OLFM3: variants seen among roughly 807,000 people sequenced by gnomAD.
The protein encoded by OLFM3 is olfactomedin 3.
Under a neutral mutation model 48.6 loss-of-function variants are expected in OLFM3, and 20 were observed. The observed-to-expected ratio is 0.41, with a 90% CI of 0.29 to 0.60. The LOEUF (loss-of-function observed/expected upper bound fraction) is 0.60, where lower values mean the gene tolerates loss of function less well. OLFM3 is among the 20% of genes least tolerant of loss of function. The pLI is 0.28. For synonymous variants in OLFM3, 222 were observed against 198.1 expected (o/e 1.12, Z -1.01); for missense variants, 437 against 544.3 (o/e 0.80, Z 1.96).
chr1:101,822,870 A>G (rs1654675327), intron 4 of OLFM3, among the ~76,000 whole-genome samples: 1 of 150,150 alleles, frequency 6.7e-6, no homozygotes, highest in Non-Finnish European at 1.5e-5. Context: ...GAATTATAAA[A>G]GCAGAGCATG....
At chr1:101,876,918 C>T (rs929846955) in intron 1 of OLFM3, among the ~76,000 whole-genome samples, 1 of 151,862 alleles carries the variant, frequency 6.6e-6, no homozygotes, top group Non-Finnish European at 1.5e-5. Flanking sequence ...AATTCCTTAT[C>T]TAGCTCTGTC....
intron 1 of OLFM3, among the ~76,000 whole-genome samples, chr1:101,956,813 A>G (rs972631727): frequency 2.0e-5 from 3 of 151,956 alleles, no homozygotes; most frequent in Non-Finnish European, 4.4e-5. Flanking sequence ...ATAGGGAATG[A>G]AAGAAAGAGA....
intron 2 of OLFM3, among the ~76,000 whole-genome samples, chr1:101,831,120 C>A (rs1309233091): frequency 6.6e-6 from 1 of 152,100 alleles, no homozygotes; most frequent in Non-Finnish European, 1.5e-5. Flanking sequence ...ATAGAATTTT[C>A]ATTTTAAGGC....
intron 1 of OLFM3, among the ~76,000 whole-genome samples, chr1:101,985,367 C>T (rs1023834102): frequency 6.6e-6 from 1 of 152,194 alleles, no homozygotes; most frequent in Non-Finnish European, 1.5e-5. Context: ...ATTATTTTGT[C>T]TACCACAGTC....
chr1:101,896,463 T>G (rs1382707624), intron 1 of OLFM3, among the ~76,000 whole-genome samples: 1 of 151,668 alleles, frequency 6.6e-6, no homozygotes, highest in African/African-American at 2.4e-5. Flanking sequence ...GACGTTTTTA[T>G]TTTTCAATTT....
chr1:101,984,579 T>C (rs1661185302), intron 1 of OLFM3, among the ~76,000 whole-genome samples: 1 of 152,174 alleles, frequency 6.6e-6, no homozygotes, highest in African/African-American at 2.4e-5. Context: ...TTTGTATTTT[T>C]AGTAGAGACG....
intron 1 of OLFM3, among the ~76,000 whole-genome samples, chr1:101,845,173 A>G (rs1655931161): frequency 6.6e-6 from 1 of 151,562 alleles, no homozygotes; most frequent in African/African-American, 2.4e-5. Context: ...TCTTCTTATT[A>G]TTTTCTTATT....
At position 101,920,167 on chromosome 1, in the gene OLFM3, A is replaced by T. The variant is rs151044670; in HGVS notation, c.69+76581T>A. Among the ~76,000 whole-genome samples the T allele has an allele frequency of 1.2e-4, 19 of 152,316 alleles. No individual in the cohort carries two copies. The East Asian group carries it at 3.3e-3, about 26-fold the overall frequency. ...TCTGTTTGTGTTGCTTCCCTACATTACATTTTCAAATACAATATGCAGAGT... is the reference window on the plus strand; with the variant it reads ...TCTGTTTGTGTTGCTTCCCTACATTTCATTTTCAAATACAATATGCAGAGT... On this transcript the variant is annotated intron_variant, in intron 1 of 5. Coordinates refer to ENST00000370103, the MANE Select transcript of OLFM3 (RefSeq NM_058170.4).
At chr1:101,837,110 A>G in intron 1 of OLFM3, 85 bp from the exon 2 acceptor site, 1 of 1,340,614 alleles carries the variant, frequency 7.5e-7, no homozygotes, top group Non-Finnish European at 1.0e-6. Flanking sequence ...CAAGTAAAAC[A>G]CTTTTTTGAT....
At chr1:101,969,068 C>T (rs1660702482) in intron 1 of OLFM3, among the ~76,000 whole-genome samples, 1 of 152,160 alleles carries the variant, frequency 6.6e-6, no homozygotes, top group South Asian at 2.1e-4. Context: ...CCAGAGTGAA[C>T]AGCCTTTGCA....
chr1:101,847,243 G>A (rs1656043877), intron 1 of OLFM3, among the ~76,000 whole-genome samples: 1 of 152,134 alleles, frequency 6.6e-6, no homozygotes, highest in Admixed American at 6.5e-5. Context: ...AGAGAGCAGA[G>A]GTTGGAGGGA....
chr1:101,994,182 T>C (rs1372694377), intron 1 of OLFM3, among the ~76,000 whole-genome samples: 2 of 151,294 alleles, frequency 1.3e-5, no homozygotes, highest in African/African-American at 2.4e-5. Flanking sequence ...TTTCTGTTTA[T>C]CCATGTGAGG....
chr1:101,864,069 C>T (rs1249381991), intron 1 of OLFM3, among the ~76,000 whole-genome samples: 1 of 152,056 alleles, frequency 6.6e-6, no homozygotes, highest in African/African-American at 2.4e-5. Context: ...ACTTTAGTTT[C>T]GAATTTAGCC....
intron 1 of OLFM3, among the ~76,000 whole-genome samples, chr1:101,972,587 A>G (rs1267284260): frequency 1.3e-5 from 2 of 152,324 alleles, no homozygotes; most frequent in African/African-American, 4.8e-5. Flanking sequence ...CAGAGAACTC[A>G]ATGATGATAA....
rs188166468 is a variant in OLFM3, at chr1:101,919,242, T to C, written c.69+77506A>G. On this transcript the variant is annotated intron_variant, in intron 1 of 5. Transcript: ENST00000370103. ...ATCTTTAAATACTTTATAAAATCTT[T>C]TTATTTCACATATCCCTCTATTATC... Among the ~76,000 whole-genome samples the C allele has an allele frequency of 2.8e-3, 422 of 152,294 alleles. 2 individuals carry two copies. Among genetic ancestry groups the C allele is most frequent in the African/African-American group, 9.5e-3 (394 of 41,576 alleles).
intron 2 of OLFM3, among the ~76,000 whole-genome samples, 194 bp from the exon 3 acceptor site, chr1:101,831,021 C>G (rs1655123450): frequency 6.6e-6 from 1 of 152,060 alleles, no homozygotes; most frequent in African/African-American, 2.4e-5. Context: ...AAAATTATAC[C>G]TAGACAGGAA....
intron 1 of OLFM3, among the ~76,000 whole-genome samples, chr1:101,981,511 A>T (rs1661105494): frequency 6.6e-6 from 1 of 152,184 alleles, no homozygotes; most frequent in African/African-American, 2.4e-5. Flanking sequence ...AACTCCTCAG[A>T]ATTCTCCAGT....
intron 1 of OLFM3, among the ~76,000 whole-genome samples, chr1:101,939,272 T>G (rs528382573): frequency 3.9e-5 from 6 of 152,302 alleles, no homozygotes; most frequent in Admixed American, 6.5e-5. Flanking sequence ...TAACTAAACT[T>G]GGATGGCAAA....
rs201866200 is a variant in OLFM3, at chr1:101,829,936, G to A, written c.372+736C>T. Among the ~76,000 whole-genome samples, 126 of 151,736 alleles carry A rather than the reference G, an allele frequency of 8.3e-4. No individual in the cohort carries two copies. In the Middle Eastern group the frequency reaches 0.014, roughly 16 times the overall value. ...TGCAAGCTCCGCCTCCCAGGTTCAC[G>A]CCATCCTCCTGCCTCAGCCTCCCGA... is the stretch of plus-strand genomic sequence containing the variant. On this transcript the variant is annotated intron_variant, in intron 3 of 5. Coordinates refer to ENST00000370103, the MANE Select transcript of OLFM3 (RefSeq NM_058170.4).
Sources: gnomAD v4.1 joint callset for allele counts (sites outside exome capture counted in the v4.1 genomes callset) on GRCh38, gnomAD v4.1.1 for gene constraint, MANE v1.5 for transcripts, NCBI Gene and HGNC (gene_info 2026-07-23, HGNC 2026-07-21) for gene names.